Variants in ZC3H8 observed in about 807,000 individuals in gnomAD.
ZC3H8 encodes the protein zinc finger CCCH domain-containing protein 8.
Under a neutral mutation model 42.5 loss-of-function variants are expected in ZC3H8, and 27 were observed. That is an observed-to-expected ratio of 0.64 (90% CI 0.47 to 0.88). The LOEUF is 0.88. Ranked by LOEUF, ZC3H8 falls within the 40% of genes least tolerant of loss-of-function variation. The pLI is 0.00. For missense variants in ZC3H8, 277 were observed against 336.1 expected (o/e 0.82, Z 1.37); for synonymous variants, 101 against 110.1 (o/e 0.92, Z 0.52).
chr2:112,222,198 C>T (rs1014592138), intron 8 of ZC3H8, among the ~76,000 whole-genome samples: 2 of 152,150 alleles, frequency 1.3e-5, no homozygotes, highest in Non-Finnish European at 2.9e-5. Flanking sequence ...GTCCATGGGG[C>T]TCTCCCTCAG....
chr2:112,251,588 T>G (rs1685951307), intron 1 of ZC3H8, among the ~76,000 whole-genome samples: 1 of 152,220 alleles, frequency 6.6e-6, no homozygotes, highest in South Asian at 2.1e-4. Context: ...CTGTGCCAGA[T>G]GCTGCTCCAT....
chr2:112,229,849 C>T (rs978608916), intron 8 of ZC3H8, among the ~76,000 whole-genome samples: 11 of 151,098 alleles, frequency 7.3e-5, no homozygotes, highest in African/African-American at 2.7e-4. Context: ...AGCCTCATGA[C>T]AGGGAATAAT....
Position 112,250,269 on chromosome 2 carries a change from G to T in ZC3H8, c.78C>A (p.Ile26=). ...GKTATDSDER[I]DDEIDTEVEE... Reference sequence around the variant, plus strand: ...CAACTTCTGTATCTATTTCATCATCGATTCTGTAGCAAAAATATCAAATAA... The same window carrying T: ...CAACTTCTGTATCTATTTCATCATCTATTCTGTAGCAAAAATATCAAATAA... Residue 26 remains isoleucine (I), a synonymous_variant, in exon 2 of 9, where the codon ATC becomes ATA. Coordinates refer to ENST00000409573, the MANE Select transcript of ZC3H8 (RefSeq NM_032494.3). 1 of 1,547,412 alleles carries T rather than the reference G, an allele frequency of 6.5e-7. No individual in the cohort carries two copies. The highest frequency in any genetic ancestry group is 8.7e-7 in the Non-Finnish European group (1 of 1,145,080).
intron 2 of ZC3H8, among the ~76,000 whole-genome samples, chr2:112,238,877 G>C (rs1685461643): frequency 6.6e-6 from 1 of 152,152 alleles, no homozygotes. Flanking sequence ...CAGTATTACA[G>C]TTCACACATT....
At chr2:112,235,826 G>A in intron 4 of ZC3H8, among the ~76,000 whole-genome samples, 1 of 151,858 alleles carries the variant, frequency 6.6e-6, no homozygotes, top group Non-Finnish European at 1.5e-5. Context: ...CCAGGATGAG[G>A]GACTTTAGTA....
intron 1 of ZC3H8, among the ~76,000 whole-genome samples, chr2:112,252,559 AG>A (rs1280779103): frequency 1.3e-5 from 2 of 152,172 alleles, no homozygotes; most frequent in Non-Finnish European, 2.9e-5. Flanking sequence ...TCAGAGTAAA[AG>A]CCAAAGTCCT....
Position 112,235,947 on chromosome 2 carries a change from A to AAG in ZC3H8, c.504+614_504+615insCT, listed in dbSNP as rs1346042048. The stretch of plus-strand genomic sequence containing the variant: ...TGATAGTATAACACTAAAAAAAAAA[A>AAG]AAAAAAAAATCAAGGAGTGACCAGG... On this transcript the variant is annotated intron_variant, in intron 4 of 8. Transcript: ENST00000409573. Among the ~76,000 whole-genome samples the AAG allele has an allele frequency of 2.0e-5, 3 of 150,952 alleles. No individual in the cohort carries two copies. The South Asian group carries it at 6.3e-4, about 32-fold the overall frequency.
intron 1 of ZC3H8, among the ~76,000 whole-genome samples, chr2:112,251,737 G>A (rs562033853): frequency 2.0e-5 from 3 of 152,328 alleles, no homozygotes; most frequent in Non-Finnish European, 4.4e-5. Flanking sequence ...CTGAGCCCCA[G>A]CAGGCAGGCA....
chr2:112,240,258 ACATATTGTCTTAGTT>A (rs1217454514), intron 2 of ZC3H8: 5 of 152,240 alleles, frequency 3.3e-5, no homozygotes, highest in Non-Finnish European at 7.3e-5. Flanking sequence ...CCATTCATTT[ACATATTGTCTTAGTT>A]GTGACAGAGA....
At chr2:112,226,946 T>C (rs1429821602) in intron 8 of ZC3H8, among the ~76,000 whole-genome samples, 2 of 151,984 alleles carry the variant, frequency 1.3e-5, no homozygotes, top group Non-Finnish European at 2.9e-5. Flanking sequence ...AGAGGAAAAA[T>C]TATATGGTCA....
At chr2:112,235,106 A>G (rs1685264115) in intron 4 of ZC3H8, among the ~76,000 whole-genome samples, 1 of 152,230 alleles carries the variant, frequency 6.6e-6, no homozygotes. Context: ...AACATAAGGT[A>G]CTTTTTACAT....
At position 112,215,229 on chromosome 2, in the gene ZC3H8, T is replaced by G. The variant is rs543249569; in HGVS notation, c.*1255A>C. On this transcript the variant is annotated 3_prime_UTR_variant, in exon 9 of 9. Coordinates refer to ENST00000409573, the MANE Select transcript of ZC3H8 (RefSeq NM_032494.3). ...CCTTTCTATGCAATGAATTGCATTA[T>G]CCACTGTATAAGGTTGTTATGAGAC... 1 of 152,300 alleles carries G rather than the reference T, an allele frequency of 6.6e-6. No homozygotes were observed. Among genetic ancestry groups the G allele is most frequent in the Admixed American group, 6.5e-5 (1 of 15,298 alleles). The allele number at this position is 152,300 out of a possible 1,614,324, so 9.4% of individuals were successfully genotyped here.
chr2:112,252,683 C>T (rs1023358452), intron 1 of ZC3H8, among the ~76,000 whole-genome samples: 1 of 152,148 alleles, frequency 6.6e-6, no homozygotes, highest in Non-Finnish European at 1.5e-5. Context: ...CCACTTTGCT[C>T]CCCTAACCCA....
intron 1 of ZC3H8, chr2:112,254,029 A>C (rs1686043573): frequency 6.0e-6 from 5 of 830,746 alleles, no homozygotes; most frequent in Non-Finnish European, 7.3e-6. Context: ...CATCTGTAAA[A>C]CGAGGACGGC....
In ZC3H8 at chr2:112,234,212, G is replaced by A. The variant is rs1163213508; in HGVS notation, c.529C>T (p.Gln177Ter). 6.2e-7 allele frequency: 1 copy of A among 1,607,536 alleles called. No individual in the cohort carries two copies. Among genetic ancestry groups the A allele is most frequent in the Non-Finnish European group, 8.5e-7 (1 of 1,177,782 alleles). The stretch of plus-strand genomic sequence containing the variant: ...TTGATGAATGCCTGACTCAAATGCT[G>A]CTGCTTCTCTTTAGGTTTACCATCC... The part of the protein sequence containing the change: ...EEDGKPKEKQ[Q>*]HLSQAFINQH... Residue 177 changes from glutamine (Q) to a stop codon, truncating the protein, a stop_gained, in exon 5 of 9, where the codon CAG becomes TAG. Transcript: ENST00000409573. LOFTEE classifies it high-confidence loss of function.
At chr2:112,238,262 C>T (rs976653642) in intron 3 of ZC3H8, 53 bp downstream of exon 3, 1 of 1,561,052 alleles carries the variant, frequency 6.4e-7, no homozygotes, top group Middle Eastern at 1.7e-4. Flanking sequence ...ATATGGACAA[C>T]TGTGACTGCT....
At position 112,226,631 on chromosome 2, in the gene ZC3H8, G is replaced by A. The variant is rs537974206; in HGVS notation, c.*15+4272C>T. On this transcript the variant is annotated intron_variant, in intron 8 of 8. Transcript: ENST00000409573. Reference sequence around the variant, plus strand: ...GCTCAGGCCCAGTTGTCTTACTGGTGAATTAAAGGAGAAATAATAACAAAT... The same window carrying A: ...GCTCAGGCCCAGTTGTCTTACTGGTAAATTAAAGGAGAAATAATAACAAAT... Among the ~76,000 whole-genome samples the A allele has an allele frequency of 2.7e-5, 4 of 145,994 alleles. No homozygotes were observed. The South Asian group carries it at 6.4e-4, about 23-fold the overall frequency.
rs1193694041 is a variant in ZC3H8 at position 112,238,387 on chromosome 2, C to A, written c.298G>T (p.Ala100Ser). 2 of 1,613,568 alleles carry A rather than the reference C, an allele frequency of 1.2e-6. No individual in the cohort carries two copies. The highest frequency in any genetic ancestry group is 1.7e-6 in the Non-Finnish European group (2 of 1,179,872). ...TGAGCAGCATTTGCCATTTCTCTGG[C>A]TTGTATGTACTGTTGAAGCTCTTTG... Reference protein sequence around the residue: ...FAKELQQYIQAREMANAAQPE... With the variant: ...FAKELQQYIQSREMANAAQPE... The change falls in exon 3 of 9, where the codon GCC (alanine) becomes TCC (serine). Residue 100 changes from alanine (A) to serine (S), a missense_variant. Ala to Ser is a moderately conservative substitution (Grantham distance 99, BLOSUM62 1). Coordinates refer to ENST00000409573, the MANE Select transcript of ZC3H8 (RefSeq NM_032494.3).
chr2:112,249,321 G>A (rs1002496547), intron 2 of ZC3H8, among the ~76,000 whole-genome samples: 1 of 152,206 alleles, frequency 6.6e-6, no homozygotes, highest in Non-Finnish European at 1.5e-5. Context: ...TCCATCAGGA[G>A]CTAGGGGAGA....
Sources: allele counts gnomAD v4.1 joint callset (sites outside exome capture counted in the v4.1 genomes callset), GRCh38; gene constraint gnomAD v4.1.1; transcripts MANE v1.5; gene names NCBI Gene and HGNC (gene_info 2026-07-23, HGNC 2026-07-21).